DOCK8: variants seen among roughly 807,000 people sequenced by gnomAD.
The protein encoded by DOCK8 is dedicator of cytokinesis protein 8.
In DOCK8, 141 loss-of-function variants were observed where a neutral mutation model predicts 245.6. The ratio of observed to expected loss-of-function variants is 0.57; its 90% CI spans 0.50 to 0.66. DOCK8 has a LOEUF of 0.66. DOCK8 is among the 30% of genes least tolerant of loss of function. The probability of loss-of-function intolerance (pLI) is 0.00; values close to 1 mark genes in which losing one functional copy is unlikely to be tolerated. For missense variants in DOCK8, 2,965 were observed against 2,603.4 expected (o/e 1.14, Z -3.02); for synonymous variants, 1,168 against 970.2 (o/e 1.20, Z -3.79).
intron 46 of DOCK8, among the ~76,000 whole-genome samples, chr9:461,204 T>C (rs2057793866): frequency 6.6e-6 from 1 of 152,220 alleles, no homozygotes; most frequent in African/African-American, 2.4e-5. Flanking sequence ...TGTTCTTCAG[T>C]TTTGTCATGA....
chr9:408,010 T>A (rs1043011473), intron 28 of DOCK8, among the ~76,000 whole-genome samples: 3 of 152,166 alleles, frequency 2.0e-5, no homozygotes, highest in Non-Finnish European at 4.4e-5. Context: ...GCCATGGTCT[T>A]CCCAGTCCCT....
intron 33 of DOCK8, among the ~76,000 whole-genome samples, chr9:422,860 C>G (rs573348777): frequency 6.6e-6 from 1 of 152,034 alleles, no homozygotes; most frequent in Non-Finnish European, 1.5e-5. Context: ...TGGCAGATGC[C>G]TGTAATCCCA....
rs540039334 is a variant in DOCK8 at position 265,337 on chromosome 9, C to T, written c.54-6290C>T. On this transcript the variant is annotated intron_variant, in intron 1 of 47. Coordinates refer to ENST00000432829, the MANE Select transcript of DOCK8 (RefSeq NM_203447.4). Reference sequence around the variant, plus strand: ...CTTTCACTGCTTATTTGATGTAAATCATTTCTAGTCCTGAAACAATGGCTA... The same window carrying T: ...CTTTCACTGCTTATTTGATGTAAATTATTTCTAGTCCTGAAACAATGGCTA... Among the ~76,000 whole-genome samples the T allele has an allele frequency of 3.3e-5, 5 of 152,336 alleles. No homozygotes were observed. In the East Asian group the frequency reaches 7.7e-4, roughly 23 times the overall value.
intron 1 of DOCK8, among the ~76,000 whole-genome samples, chr9:239,301 A>T (rs2047329892): frequency 6.6e-6 from 1 of 152,212 alleles, no homozygotes; most frequent in Admixed American, 6.5e-5. Context: ...TGGACTTTAA[A>T]TTTCCCCTGG....
intron 24 of DOCK8, among the ~76,000 whole-genome samples, chr9:392,175 G>T (rs1447979001): frequency 6.6e-6 from 1 of 151,894 alleles, no homozygotes; most frequent in Admixed American, 6.6e-5. Context: ...TAAAGAGATG[G>T]GAGGGGTTCC....
chr9:336,796 G>T, intron 12 of DOCK8, 78 bp downstream of exon 12: 1 of 1,571,146 alleles, frequency 6.4e-7, no homozygotes, highest in Non-Finnish European at 8.7e-7. Flanking sequence ...AGGAGGATAC[G>T]TAGTGATTAA....
chr9:451,308 C>T (rs1406530605), intron 45 of DOCK8, among the ~76,000 whole-genome samples: 1 of 151,366 alleles, frequency 6.6e-6, no homozygotes, highest in East Asian at 1.9e-4. Context: ...AAGACTCTGT[C>T]TCAAAAACAA....
intron 1 of DOCK8, among the ~76,000 whole-genome samples, chr9:263,872 A>C (rs571093574): frequency 7.7e-4 from 117 of 152,314 alleles, no homozygotes; most frequent in African/African-American, 2.7e-3. Flanking sequence ...GGATGTTTTA[A>C]AGATTTTTCT....
chr9:295,441 C>T (rs1477610732), intron 4 of DOCK8, among the ~76,000 whole-genome samples: 1 of 152,108 alleles, frequency 6.6e-6, no homozygotes, highest in African/African-American at 2.4e-5. Flanking sequence ...ACTTTGGTAG[C>T]ATATATAATA....
intron 39 of DOCK8, among the ~76,000 whole-genome samples, chr9:437,278 C>A (rs1340838585): frequency 6.6e-6 from 1 of 152,198 alleles, no homozygotes; most frequent in East Asian, 1.9e-4. Flanking sequence ...CCCATCTCTG[C>A]CATCTGTTGT....
chr9:288,317 T>C (rs958016050), intron 3 of DOCK8, among the ~76,000 whole-genome samples: 1 of 152,156 alleles, frequency 6.6e-6, no homozygotes, highest in African/African-American at 2.4e-5. Flanking sequence ...TATGTTGAGC[T>C]GTGATGGCGT....
chr9:439,067 C>A (rs1344956818), intron 39 of DOCK8, among the ~76,000 whole-genome samples, 178 bp from the exon 40 acceptor site: 1 of 152,114 alleles, frequency 6.6e-6, no homozygotes, highest in Non-Finnish European at 1.5e-5. Flanking sequence ...TTGCTCAGTG[C>A]GCCTCTTCTA....
chr9:428,442 G>C lies in DOCK8; in HGVS notation c.4419G>C (p.Gln1473His). Residue 1473 changes from glutamine to histidine, a missense_variant, in exon 35 of 48, where the codon CAG becomes CAC. Physicochemically the swap from Gln to His is conservative, Grantham distance 24. This residue lies in a region of DOCK8 where 2,825 missense variants were observed against 2,453.5 expected (regional missense o/e 1.15). Coordinates refer to ENST00000432829, the MANE Select transcript of DOCK8 (RefSeq NM_203447.4). ...RVLVNSLNCD[Q>H]STTYLTHCFA... ...TGGTGAATTCTCTGAACTGTGATCA[G>C]AGTACCACCTACCTGACTCACTGCT... 8 of 1,614,222 alleles carry C rather than the reference G, an allele frequency of 5.0e-6. No individual in the cohort carries two copies. Among genetic ancestry groups the C allele is most frequent in the Non-Finnish European group, 6.8e-6 (8 of 1,180,036 alleles).
chr9:317,325 T>C (rs542775940), intron 7 of DOCK8, among the ~76,000 whole-genome samples, 197 bp downstream of exon 7: 10 of 152,330 alleles, frequency 6.6e-5, no homozygotes, highest in African/African-American at 2.4e-4. Context: ...TTGATGGTCA[T>C]TCTTCTACAA....
intron 37 of DOCK8, among the ~76,000 whole-genome samples, chr9:432,648 T>G (rs769393026): frequency 2.0e-5 from 3 of 151,772 alleles, no homozygotes; most frequent in Non-Finnish European, 2.9e-5. Flanking sequence ...GGAAGAGAGG[T>G]CGTGATCAAT....
chr9:239,200 C>T (rs533986397), intron 1 of DOCK8, among the ~76,000 whole-genome samples: 2 of 152,204 alleles, frequency 1.3e-5, no homozygotes, highest in South Asian at 2.1e-4. Context: ...GAAACACATA[C>T]ACACACGCAT....
chr9:306,142 A>G (rs2049816409), intron 5 of DOCK8, among the ~76,000 whole-genome samples: 1 of 152,232 alleles, frequency 6.6e-6, no homozygotes, highest in Non-Finnish European at 1.5e-5. Context: ...CTTGTAAACT[A>G]ATATAGTTTT....
chr9:300,019 C>CA (rs71312802), intron 4 of DOCK8, among the ~76,000 whole-genome samples: 2,738 of 132,800 alleles, frequency 0.021, 90 homozygotes, highest in African/African-American at 0.073. Flanking sequence ...GACTCCGTCT[C>CA]AAAAAAAAAA....
chr9:463,637 GA>G lies in DOCK8; in HGVS notation c.6193del (p.Ile2065PhefsTer58). ...AGAACCTCAGGCCAATGATCGAGCG[GA>G]AAATTCCAGAACTGTACAAGCCAAT... ...KENLRPMIER[K>X]IPELYKPIFR... On this transcript the variant is annotated frameshift_variant, in exon 47 of 48. Transcript: ENST00000432829. LOFTEE classifies it high-confidence loss of function. The G allele has an allele frequency of 1.9e-6, 3 of 1,609,214 alleles. No homozygotes were observed. The highest frequency in any genetic ancestry group is 2.5e-6 in the Non-Finnish European group (3 of 1,178,122).
Sources: allele counts gnomAD v4.1 joint callset (sites outside exome capture counted in the v4.1 genomes callset), GRCh38; gene constraint gnomAD v4.1.1; regional missense constraint gnomAD v4.1.1; transcripts MANE v1.5; gene names NCBI Gene and HGNC (gene_info 2026-07-23, HGNC 2026-07-21).